WRAP53: variants seen among roughly 807,000 people sequenced by gnomAD.
WRAP53 encodes the protein WD repeat containing antisense to TP53, also known as telomerase Cajal body protein 1.
A neutral mutation model predicts 56.6 loss-of-function variants in WRAP53; 28 were observed. The ratio of observed to expected loss-of-function variants is 0.50; its 90% CI spans 0.37 to 0.68. WRAP53 has a LOEUF of 0.68. Ranked by LOEUF, WRAP53 falls within the 30% of genes least tolerant of loss-of-function variation. The probability of loss-of-function intolerance (pLI) is 0.00; values close to 1 mark genes in which losing one functional copy is unlikely to be tolerated. For synonymous variants in WRAP53, 283 were observed against 283.4 expected, an observed-to-expected ratio of 1.00 and a Z score of 0.01; for missense variants, 671 against 715.5, an observed-to-expected ratio of 0.94 and a Z score of 0.71.
rs374902947 is a variant in WRAP53, at chr17:7,700,485, T to TA, written c.643-245dup. On this transcript the variant is annotated intron_variant, in intron 4 of 10. Coordinates refer to ENST00000396463, the MANE Select transcript of WRAP53 (RefSeq NM_001143992.2). ...CATCATGGTGAAACCCTGTCTCTAT[T>TA]AAAAAAAAAAACAAAAACAAAATTA... Among the ~76,000 whole-genome samples the TA allele has an allele frequency of 0.044, 6,267 of 141,080 alleles. 366 individuals are homozygous for TA. Among genetic ancestry groups the TA allele is most frequent in the African/African-American group, 0.14 (5,284 of 38,716 alleles). 92.6% of individuals were successfully genotyped at this position (141,080 alleles called of 152,430 possible). A position where few individuals can be genotyped will look rare whatever the true frequency, so the allele number is the denominator to read the frequency against.
rs947411949 is a variant in WRAP53 at position 7,702,152 on chromosome 17, T to C, written c.956-192T>C. On this transcript the variant is annotated intron_variant, in intron 7 of 10. Transcript: ENST00000396463. The surrounding 1 kb of genome is among the most constrained non-coding windows in gnomAD (Gnocchi z 5.0). ...GGATTTGAGAGGGATGAAGTGGGGC[T>C]TGGGCATTTAGGTCCTTTGGGAGGA... 67 of 716,116 alleles carry C rather than the reference T, an allele frequency of 9.4e-5. No individual in the cohort carries two copies. In the African/African-American group the frequency reaches 1.0e-3, roughly 11 times the overall value. 44.4% of individuals were successfully genotyped at this position (716,116 alleles called of 1,614,324 possible). A position where few individuals can be genotyped will look rare whatever the true frequency, so the allele number is the denominator to read the frequency against.
At chr17:7,699,476 T>TTATATATATA (rs1299417199) in intron 4 of WRAP53, among the ~76,000 whole-genome samples, 89 of 11,352 alleles carry the variant, frequency 7.8e-3, no homozygotes, top group Non-Finnish European at 9.5e-3. Flanking sequence ...ATATATATAT[T>TTATATATATA]TATATATATA....
Position 7,702,682 on chromosome 17 carries a change from G to T in WRAP53, c.1165-61G>T. Reference sequence around the variant, plus strand: ...AGCTGAAGGAGTGCCTGGAGACCCCGAGGGAGGCAGGGACATCCAGGGCTT... The same window carrying T: ...AGCTGAAGGAGTGCCTGGAGACCCCTAGGGAGGCAGGGACATCCAGGGCTT... On this transcript the variant is annotated intron_variant, in intron 8 of 10. Coordinates refer to ENST00000396463, the MANE Select transcript of WRAP53 (RefSeq NM_001143992.2). The surrounding 1 kb of genome is among the most constrained non-coding windows in gnomAD (Gnocchi z 5.0). 6.2e-7 allele frequency: 1 copy of T among 1,602,574 alleles called. No homozygotes were observed. Among genetic ancestry groups the T allele is most frequent in the Non-Finnish European group, 8.5e-7 (1 of 1,175,184 alleles).
At position 7,688,571 on chromosome 17, in the gene WRAP53, T is replaced by C; in HGVS notation, c.-2+10T>C. The stretch of plus-strand genomic sequence containing the variant: ...GAGGAGGGAAGCACAGGTGGGTTTC[T>C]TTAGCTCTGCGTCGGATCCCTGAGA... On this transcript the variant is annotated intron_variant, in intron 1 of 10. Coordinates refer to ENST00000396463, the MANE Select transcript of WRAP53 (RefSeq NM_001143992.2). 1.9e-6 allele frequency: 3 copies of C among 1,540,478 alleles called. No individual in the cohort carries two copies. Among genetic ancestry groups the C allele is most frequent in the Non-Finnish European group, 1.8e-6 (2 of 1,132,006 alleles).
chr17:7,702,876 G>T lies in WRAP53; in HGVS notation c.1268+30G>T. ...GTGGCTGTGACTCCTTCCTACACAG[G>T]GCCCTGATAAGCCTAGGAATGCCAG... On this transcript the variant is annotated intron_variant, in intron 9 of 10. Coordinates refer to ENST00000396463, the MANE Select transcript of WRAP53 (RefSeq NM_001143992.2). This position sits in a 1 kb window ranked among gnomAD's most constrained non-coding sequence, Gnocchi z 5.0. 6.2e-7 allele frequency: 1 copy of T among 1,613,254 alleles called. No homozygotes were observed.
At chr17:7,697,093 G>A (rs1399794360) in intron 4 of WRAP53, among the ~76,000 whole-genome samples, 1 of 152,132 alleles carries the variant, frequency 6.6e-6, no homozygotes, top group Non-Finnish European at 1.5e-5. Flanking sequence ...AGCCGAGGCA[G>A]GTGGATCACC....
intron 4 of WRAP53, among the ~76,000 whole-genome samples, chr17:7,696,165 C>T (rs2074181218): frequency 6.6e-6 from 1 of 151,614 alleles, no homozygotes. Flanking sequence ...CAGGAGGAGT[C>T]GTTGGGGGAG....
At chr17:7,692,162 GTGAA>G (rs1774854078) in intron 4 of WRAP53, among the ~76,000 whole-genome samples, 1 of 151,108 alleles carries the variant, frequency 6.6e-6, no homozygotes, top group Non-Finnish European at 1.5e-5. Flanking sequence ...AAACAGAAGA[GTGAA>G]TGGTTTATGG....
intron 4 of WRAP53, among the ~76,000 whole-genome samples, chr17:7,694,002 G>T (rs2074147735): frequency 6.6e-6 from 1 of 152,006 alleles, no homozygotes; most frequent in Non-Finnish European, 1.5e-5. Flanking sequence ...GCAGAGCAGG[G>T]TCAGGCCTGG....
chr17:7,689,186 TG>T (rs2074069610), intron 2 of WRAP53, 37 bp from the exon 3 acceptor site: 1 of 1,613,826 alleles, frequency 6.2e-7, no homozygotes, highest in East Asian at 2.2e-5. Flanking sequence ...CCCCTTTGCT[TG>T]GCGACCCAGG....
intron 4 of WRAP53, among the ~76,000 whole-genome samples, chr17:7,693,960 A>G (rs1240968854): frequency 6.6e-6 from 1 of 152,036 alleles, no homozygotes; most frequent in Non-Finnish European, 1.5e-5. Context: ...TAAGTTTTTG[A>G]TGAAGCTGAA....
chr17:7,699,478 A>ATATATT (rs2074235992), intron 4 of WRAP53, among the ~76,000 whole-genome samples: 3 of 7,270 alleles, frequency 4.1e-4, no homozygotes, highest in African/African-American at 9.7e-4. Context: ...ATATATATTT[A>ATATATT]TATATATATA....
In WRAP53 at chr17:7,688,669, A is replaced by C. The variant is rs1045842881; in HGVS notation, c.21A>C (p.Gln7His). 5.0e-6 allele frequency: 8 copies of C among 1,614,016 alleles called. No individual in the cohort carries two copies. Among genetic ancestry groups the C allele is most frequent in the African/African-American group, 1.3e-5 (1 of 74,906 alleles). The change falls in exon 2 of 11, where the codon CAA (glutamine) becomes CAC (histidine). Residue 7 changes from glutamine (Q) to histidine (H), a missense_variant. Physicochemically the swap from Gln to His is conservative, Grantham distance 24. Coordinates refer to ENST00000396463, the MANE Select transcript of WRAP53 (RefSeq NM_001143992.2). Reference sequence around the variant, plus strand: ...GCAGTATGAAGACTTTGGAGACTCAACCGTTAGCTCCGGACTGCTGTCCTT... The same window carrying C: ...GCAGTATGAAGACTTTGGAGACTCACCCGTTAGCTCCGGACTGCTGTCCTT... MKTLET[Q>H]PLAPDCCPSD...
In WRAP53 at chr17:7,688,869, C is replaced by A. The variant is rs369386615; in HGVS notation, c.221C>A (p.Ser74Tyr). ...SQELREGDPV[S>Y]LSTPLETEFG... Reference sequence around the variant, plus strand: ...GAGCTACGGGAGGGGGACCCAGTTTCTCTCTCCACTCCCCTGGAAACAGAG... The same window carrying A: ...GAGCTACGGGAGGGGGACCCAGTTTATCTCTCCACTCCCCTGGAAACAGAG... Residue 74 changes from serine (S) to tyrosine (Y), a missense_variant, in exon 2 of 11, where the codon TCT becomes TAT. Physicochemically the swap from Ser to Tyr is moderately radical, Grantham distance 144. This residue lies in a region of WRAP53 where 406 missense variants were observed against 418.5 expected (regional missense o/e 0.97). Coordinates refer to ENST00000396463, the MANE Select transcript of WRAP53 (RefSeq NM_001143992.2). 9.9e-6 allele frequency: 16 copies of A among 1,614,084 alleles called. No individual in the cohort carries two copies. The African/African-American group carries it at 1.9e-4, about 19-fold the overall frequency.
At chr17:7,687,228 T>C (rs1228339504), upstream of WRAP53, 3 of 397,838 alleles carry the variant, frequency 7.5e-6, no homozygotes, top group East Asian at 1.1e-4. Context: ...TGATGATCCC[T>C]CTAGCCAAGC....
rs1294373250 is a variant in WRAP53, at chr17:7,702,387, C to T, written c.999C>T (p.Phe333=). 6.8e-6 allele frequency: 11 copies of T among 1,614,190 alleles called. No individual in the cohort carries two copies. Among genetic ancestry groups the T allele is most frequent in the Non-Finnish European group, 9.3e-6 (11 of 1,180,028 alleles). ...GQSGIISCIA[F]SPAQPLYACG... The stretch of plus-strand genomic sequence containing the variant: ...GCGGCATCATCTCCTGCATAGCCTT[C>T]AGCCCAGCCCAGCCCCTCTATGCCT... Residue 333 remains phenylalanine, a synonymous_variant, in exon 8 of 11, where the codon TTC becomes TTT. Transcript: ENST00000396463. This position sits in a 1 kb window ranked among gnomAD's most constrained non-coding sequence, Gnocchi z 5.0.
Position 7,701,841 on chromosome 17 carries a change from G to C in WRAP53, c.955+52G>C. On this transcript the variant is annotated intron_variant, in intron 7 of 10. Coordinates refer to ENST00000396463, the MANE Select transcript of WRAP53 (RefSeq NM_001143992.2). The surrounding 1 kb of genome is among the most constrained non-coding windows in gnomAD (Gnocchi z 4.2). ...AGGAGAGGGAAGGGCACTGCCACCT[G>C]CACAGGGGCCTTTTGTGAGCCGGGG... 1 of 1,591,984 alleles carries C rather than the reference G, an allele frequency of 6.3e-7. No homozygotes were observed.
At chr17:7,699,502 T>TATATATATA (rs1567577549) in intron 4 of WRAP53, among the ~76,000 whole-genome samples, 3 of 11,758 alleles carry the variant, frequency 2.6e-4, no homozygotes, top group Non-Finnish European at 3.9e-4. Context: ...ATATATATAT[T>TATATATATA]TATATATATA....
At position 7,702,548 on chromosome 17, in the gene WRAP53, G is replaced by A. The variant is rs1013244580; in HGVS notation, c.1160G>A (p.Arg387His). 5 of 1,607,472 alleles carry A rather than the reference G, an allele frequency of 3.1e-6. No individual in the cohort carries two copies. Among genetic ancestry groups the A allele is most frequent in the African/African-American group, 1.3e-5 (1 of 74,886 alleles). Residue 387 changes from arginine to histidine, a missense_variant, in exon 8 of 11, where the codon CGC (arginine) becomes CAC (histidine). Around this residue, in one of 3 missense-constraint regions of WRAP53, gnomAD observed 158 missense variants for 215.7 expected, o/e 0.73. Coordinates refer to ENST00000396463, the MANE Select transcript of WRAP53 (RefSeq NM_001143992.2). This position sits in a 1 kb window ranked among gnomAD's most constrained non-coding sequence, Gnocchi z 5.0. ...PDGNRFFSGARKDAELLCWDL... is the reference protein window; with the variant it reads ...PDGNRFFSGAHKDAELLCWDL... ...GGCAACCGCTTCTTCTCAGGAGCCCGCAAGGTAGGGGTCACACCCTGAGAG... is the reference window on the plus strand; with the variant it reads ...GGCAACCGCTTCTTCTCAGGAGCCCACAAGGTAGGGGTCACACCCTGAGAG...
Sources: allele counts gnomAD v4.1 joint callset (sites outside exome capture counted in the v4.1 genomes callset), GRCh38; gene constraint gnomAD v4.1.1; regional missense constraint gnomAD v4.1.1; non-coding constraint Gnocchi (gnomAD v3.1); transcripts MANE v1.5; gene names NCBI Gene and HGNC (gene_info 2026-07-23, HGNC 2026-07-21).